The following ANKRD11 variants were observed in gnomAD, a reference collection of about 807,000 sequenced individuals.
ANKRD11 encodes ankyrin repeat domain 11.
Under a neutral mutation model 195.7 loss-of-function variants are expected in ANKRD11, and 17 were observed. The ratio of observed to expected loss-of-function variants is 0.09; its 90% confidence interval spans 0.06 to 0.13. The LOEUF (loss-of-function observed/expected upper bound fraction) is 0.13. Among genes scored for constraint, ANKRD11 ranks in the 10% least tolerant of loss-of-function variants. ANKRD11 has a pLI of 1.00. For synonymous variants in ANKRD11, 1,953 were observed against 1,528.1 expected (o/e 1.28, Z -6.49); for missense variants, 3,735 against 3,566.1 (o/e 1.05, Z -1.21).
intron 1 of ANKRD11, among the ~76,000 whole-genome samples, chr16:89,483,791 G>A (rs891032485): frequency 6.7e-6 from 1 of 149,576 alleles, no homozygotes; most frequent in Non-Finnish European, 1.5e-5. Flanking sequence ...TCATGCCTGG[G>A]CAACAAGAGG....
chr16:89,478,094 G>T (rs1322090496), intron 1 of ANKRD11, among the ~76,000 whole-genome samples: 1 of 152,162 alleles, frequency 6.6e-6, no homozygotes, highest in Non-Finnish European at 1.5e-5. Flanking sequence ...CTTAATGAGA[G>T]GAGCGCTTAA....
At chr16:89,468,170 T>G (rs2056949640) in intron 1 of ANKRD11, among the ~76,000 whole-genome samples, 1 of 152,184 alleles carries the variant, frequency 6.6e-6, no homozygotes. Flanking sequence ...TAACTTAGTG[T>G]TAACTTGAAA....
At chr16:89,418,829 A>T (rs1241584450) in intron 1 of ANKRD11, among the ~76,000 whole-genome samples, 2 of 148,982 alleles carry the variant, frequency 1.3e-5, no homozygotes, top group Non-Finnish European at 3.0e-5. Context: ...CAGTGGCGTG[A>T]TCTCAGCTCA....
intron 3 of ANKRD11, among the ~76,000 whole-genome samples, chr16:89,306,487 G>A (rs1299516164): frequency 2.8e-5 from 2 of 72,414 alleles, no homozygotes; most frequent in Non-Finnish European, 5.3e-5. Flanking sequence ...GCAGACACGC[G>A]CCACCTCCCA....
At chr16:89,367,457 CAG>C (rs1316366646) in intron 2 of ANKRD11, among the ~76,000 whole-genome samples, 3 of 152,154 alleles carry the variant, frequency 2.0e-5, no homozygotes, top group Non-Finnish European at 4.4e-5. Context: ...CCGGGAGTCT[CAG>C]GGGAGCGACG....
chr16:89,381,354 A>AAAAAAAAAAAAAGGG (rs1555560066), intron 2 of ANKRD11, among the ~76,000 whole-genome samples: 4 of 125,344 alleles, frequency 3.2e-5, no homozygotes, highest in African/African-American at 1.3e-4. Context: ...AAAAAAAAAA[A>AAAAAAAAAAAAAGGG]GGGGTGAGAA....
chr16:89,309,823 T>C (rs1045262192), intron 3 of ANKRD11, among the ~76,000 whole-genome samples: 6 of 152,104 alleles, frequency 3.9e-5, no homozygotes, highest in African/African-American at 1.4e-4. Context: ...TTAAATCCAA[T>C]CCTTACCAGG....
Position 89,284,141 on chromosome 16 carries a change from T to C in ANKRD11, c.2401A>G (p.Lys801Glu). ...KEKIFKEDKEKLKKEKVYRED... is the reference protein window; with the variant it reads ...KEKIFKEDKEELKKEKVYRED... The stretch of plus-strand genomic sequence containing the variant: ...CTATAAACCTTTTCTTTTTTGAGTT[T>C]TTCTTTATCTTCTTTAAAAATCTTC... Residue 801 changes from lysine to glutamate, a missense_variant, in exon 9 of 13, where the codon AAA (lysine) becomes GAA (glutamate). Physicochemically the swap from Lys to Glu is moderately conservative, Grantham distance 56. Coordinates refer to ENST00000301030, the MANE Select transcript of ANKRD11 (RefSeq NM_013275.6). 2 of 1,605,840 alleles carry C rather than the reference T, an allele frequency of 1.2e-6. No individual in the cohort carries two copies. Among genetic ancestry groups the C allele is most frequent in the Non-Finnish European group, 1.7e-6 (2 of 1,177,632 alleles).
chr16:89,336,330 A>T (rs2038351843), intron 2 of ANKRD11, among the ~76,000 whole-genome samples: 1 of 152,168 alleles, frequency 6.6e-6, no homozygotes, highest in South Asian at 2.1e-4. Flanking sequence ...AACTGCCCGC[A>T]CCTCCAAGAT....
chr16:89,274,007 C>T (rs1567542593), intron 11 of ANKRD11, among the ~76,000 whole-genome samples: 1 of 152,148 alleles, frequency 6.6e-6, no homozygotes, highest in South Asian at 2.1e-4. Flanking sequence ...ACAACCTGAG[C>T]GCAGTGGGCT....
At chr16:89,480,858 TG>T (rs2057422088) in intron 1 of ANKRD11, among the ~76,000 whole-genome samples, 2 of 152,222 alleles carry the variant, frequency 1.3e-5, no homozygotes, top group Admixed American at 1.3e-4. Context: ...CGTCCTGGGC[TG>T]TGCCCCTCAA....
At chr16:89,386,930 G>A (rs912693713) in intron 2 of ANKRD11, among the ~76,000 whole-genome samples, 2 of 152,052 alleles carry the variant, frequency 1.3e-5, no homozygotes, top group Admixed American at 6.5e-5. Context: ...CTCGACCACC[G>A]AGTCAAGGGC....
chr16:89,294,139 CCTCT>C (rs1231563777), intron 4 of ANKRD11, among the ~76,000 whole-genome samples: 1 of 152,180 alleles, frequency 6.6e-6, no homozygotes, highest in African/African-American at 2.4e-5. Context: ...CCAGGCCCTC[CCTCT>C]GCTTCTGCTC....
chr16:89,416,716 G>GCAA (rs1286631804), intron 2 of ANKRD11, among the ~76,000 whole-genome samples: 1 of 151,016 alleles, frequency 6.6e-6, no homozygotes, highest in Non-Finnish European at 1.5e-5. Context: ...GATTGCTTGA[G>GCAA]AGCAGGGGTT....
chr16:89,428,155 C>A (rs937721125), intron 1 of ANKRD11, among the ~76,000 whole-genome samples: 1 of 152,000 alleles, frequency 6.6e-6, no homozygotes, highest in South Asian at 2.1e-4. Context: ...TTGCAGTGAG[C>A]CAAGATCGTG....
At chr16:89,375,253 A>G (rs1192467395) in intron 2 of ANKRD11, among the ~76,000 whole-genome samples, 1 of 152,166 alleles carries the variant, frequency 6.6e-6, no homozygotes, top group African/African-American at 2.4e-5. Flanking sequence ...CCGCGTGAGC[A>G]GCTGGTCTCT....
intron 2 of ANKRD11, among the ~76,000 whole-genome samples, chr16:89,379,642 G>A (rs1451378841): frequency 3.9e-5 from 6 of 152,178 alleles, no homozygotes; most frequent in Non-Finnish European, 8.8e-5. Context: ...CTCCACCACT[G>A]CTCTCTGCCT....
chr16:89,361,310 G>A (rs2039721819), intron 2 of ANKRD11, among the ~76,000 whole-genome samples: 1 of 152,194 alleles, frequency 6.6e-6, no homozygotes, highest in African/African-American at 2.4e-5. Context: ...AGCACACACA[G>A]AACCATCACA....
chr16:89,426,160 C>A (rs2152255246), intron 1 of ANKRD11, among the ~76,000 whole-genome samples: 1 of 152,060 alleles, frequency 6.6e-6, no homozygotes, highest in South Asian at 2.1e-4. Flanking sequence ...AGGGGAATGG[C>A]AAAAACAATT....
Sources: gnomAD v4.1 joint callset for allele counts (sites outside exome capture counted in the v4.1 genomes callset) on GRCh38, gnomAD v4.1.1 for gene constraint, MANE v1.5 for transcripts, NCBI Gene and HGNC (gene_info 2026-07-23, HGNC 2026-07-21) for gene names.